Variants in JMJD1C observed in about 807,000 individuals in gnomAD.
The protein encoded by JMJD1C is jumonji domain-containing protein 1C.
Under a neutral mutation model 245.3 loss-of-function variants are expected in JMJD1C, and 31 were observed. That is an observed-to-expected ratio of 0.13 (90% CI 0.09 to 0.17). JMJD1C has a LOEUF of 0.17. JMJD1C is among the 10% of genes least tolerant of loss of function. The pLI is 1.00. For missense variants in JMJD1C, 2,691 were observed against 3,000.2 expected (o/e 0.90, Z 2.41); for synonymous variants, 1,057 against 1,017.4 (o/e 1.04, Z -0.74).
chr10:63,271,698 T>C (rs576848282), intron 2 of JMJD1C, among the ~76,000 whole-genome samples: 1 of 152,286 alleles, frequency 6.6e-6, no homozygotes, highest in African/African-American at 2.4e-5. Flanking sequence ...ATTACATGCA[T>C]GCACCACAAC....
chr10:63,464,784 C>T (rs911607645), intron 1 of JMJD1C, among the ~76,000 whole-genome samples: 3 of 151,644 alleles, frequency 2.0e-5, no homozygotes, highest in Admixed American at 2.0e-4. Context: ...TCGTATAAAA[C>T]CCAGAAACAG....
intron 22 of JMJD1C, among the ~76,000 whole-genome samples, chr10:63,178,099 C>G (rs1313379208): frequency 6.6e-6 from 1 of 152,138 alleles, no homozygotes; most frequent in Non-Finnish European, 1.5e-5. Context: ...AGCTGTCACA[C>G]CCGACTAATT....
At chr10:63,297,322 C>T (rs112188494) in intron 2 of JMJD1C, among the ~76,000 whole-genome samples, 5,586 of 152,188 alleles carry the variant, frequency 0.037, 329 homozygotes, top group East Asian at 0.29. Flanking sequence ...TGCACTTCCT[C>T]CATTCTGAGC....
chr10:63,499,090 A>G (rs543080606), intron 1 of JMJD1C, among the ~76,000 whole-genome samples: 1 of 152,186 alleles, frequency 6.6e-6, no homozygotes, highest in Admixed American at 6.6e-5. Context: ...ATTCCATTGT[A>G]TGTATATACC....
At chr10:63,282,256 G>T (rs1186356633) in intron 2 of JMJD1C, among the ~76,000 whole-genome samples, 1 of 152,152 alleles carries the variant, frequency 6.6e-6, no homozygotes, top group Non-Finnish European at 1.5e-5. Context: ...GGACAAATGA[G>T]ATACACAATT....
intron 2 of JMJD1C, among the ~76,000 whole-genome samples, chr10:63,298,103 C>T (rs1254689703): frequency 1.3e-5 from 2 of 152,202 alleles, no homozygotes; most frequent in African/African-American, 4.8e-5. Context: ...GCCTGCCCCA[C>T]TATAGCAGCC....
At chr10:63,180,232 G>A (rs1338153700) in intron 22 of JMJD1C, among the ~76,000 whole-genome samples, 3 of 152,110 alleles carry the variant, frequency 2.0e-5, no homozygotes, top group African/African-American at 4.8e-5. Context: ...GGCTGGTCTC[G>A]AACTCCTGAC....
chr10:63,418,935 G>C (rs1451689232), intron 1 of JMJD1C, among the ~76,000 whole-genome samples: 1 of 151,912 alleles, frequency 6.6e-6, no homozygotes, highest in Admixed American at 6.6e-5. Flanking sequence ...AAATTAGCCA[G>C]GCATGGTGGC....
chr10:63,295,725 C>T (rs1479328223), intron 2 of JMJD1C, among the ~76,000 whole-genome samples: 1 of 151,888 alleles, frequency 6.6e-6, no homozygotes, highest in Non-Finnish European at 1.5e-5. Flanking sequence ...GGTAGTTACG[C>T]TCTGTAAAGC....
intron 2 of JMJD1C, among the ~76,000 whole-genome samples, chr10:63,278,202 T>C (rs1467989327): frequency 2.6e-5 from 4 of 151,948 alleles, no homozygotes; most frequent in Admixed American, 6.6e-5. Context: ...TACTGATTAA[T>C]AGGCCAGGCA....
intron 2 of JMJD1C, among the ~76,000 whole-genome samples, chr10:63,331,525 C>G (rs1284375951): frequency 6.6e-6 from 1 of 152,200 alleles, no homozygotes; most frequent in South Asian, 2.1e-4. Flanking sequence ...CACAAATCCA[C>G]TGATAGTCTA....
intron 1 of JMJD1C, among the ~76,000 whole-genome samples, chr10:63,485,328 C>T (rs1201195947): frequency 6.6e-6 from 1 of 152,078 alleles, no homozygotes; most frequent in Non-Finnish European, 1.5e-5. Flanking sequence ...TATACCTATT[C>T]TTTCAAAATC....
At chr10:63,353,428 T>G (rs1398760049) in intron 2 of JMJD1C, among the ~76,000 whole-genome samples, 1 of 152,242 alleles carries the variant, frequency 6.6e-6, no homozygotes, top group Non-Finnish European at 1.5e-5. Context: ...ACAGATTTTA[T>G]GCAAAGCAGG....
chr10:63,416,559 C>T (rs1242316638), intron 1 of JMJD1C, among the ~76,000 whole-genome samples: 3 of 152,120 alleles, frequency 2.0e-5, no homozygotes, highest in African/African-American at 7.2e-5. Flanking sequence ...GTCTTTTTGG[C>T]TGATCATGCT....
chr10:63,211,938 GA>G (rs1847408483), intron 8 of JMJD1C, among the ~76,000 whole-genome samples: 1 of 151,360 alleles, frequency 6.6e-6, no homozygotes, highest in African/African-American at 2.4e-5. Context: ...TCCACTGACA[GA>G]TGAATGGAGA....
At chr10:63,300,173 C>T (rs1859914243) in intron 2 of JMJD1C, among the ~76,000 whole-genome samples, 1 of 152,182 alleles carries the variant, frequency 6.6e-6, no homozygotes, top group African/African-American at 2.4e-5. Context: ...TTAATACACT[C>T]AGGCAGTCTG....
In JMJD1C at chr10:63,190,931, C is replaced by T; in HGVS notation, c.6254G>A (p.Gly2085Asp). ...GKLRVGSTDA[G>D]IAFAPVYSMG... ...TGAATATACTGGGGCAAAGGCAATG[C>T]CAGCATCTGTAGACCCCACACGTAG... The change falls in exon 17 of 26, where the codon GGC becomes GAC. Residue 2085 changes from glycine to aspartate, a missense_variant. Transcript: ENST00000399262. 1 of 1,614,044 alleles carries T rather than the reference C, an allele frequency of 6.2e-7. No individual in the cohort carries two copies. The highest frequency in any genetic ancestry group is 8.5e-7 in the Non-Finnish European group (1 of 1,179,912).
chr10:63,512,801 G>A (rs1172484967), intron 1 of JMJD1C, among the ~76,000 whole-genome samples: 1 of 151,966 alleles, frequency 6.6e-6, no homozygotes, highest in Non-Finnish European at 1.5e-5. Flanking sequence ...TTTTTCTGCT[G>A]CTTTGGTATT....
At chr10:63,277,996 G>A (rs968964298) in intron 2 of JMJD1C, among the ~76,000 whole-genome samples, 3 of 151,780 alleles carry the variant, frequency 2.0e-5, no homozygotes, top group African/African-American at 7.3e-5. Flanking sequence ...ACCTCCCAAA[G>A]TGCTGGGATT....
Sources: allele counts gnomAD v4.1 joint callset (sites outside exome capture counted in the v4.1 genomes callset), GRCh38; gene constraint gnomAD v4.1.1; transcripts MANE v1.5; gene names NCBI Gene and HGNC (gene_info 2026-07-23, HGNC 2026-07-21).